Variants in DUSP12 observed in about 807,000 individuals in gnomAD.
DUSP12 encodes dual specificity phosphatase 12.
Under a neutral mutation model 38.9 loss-of-function variants are expected in DUSP12, and 25 were observed. That is an observed-to-expected ratio of 0.64 (90% CI 0.47 to 0.90). The LOEUF is 0.90. Among genes scored for constraint, DUSP12 ranks in the 40% least tolerant of loss-of-function variants. DUSP12 has a pLI of 0.00. For missense variants in DUSP12, 403 were observed against 427.0 expected (o/e 0.94, Z 0.50); for synonymous variants, 153 against 153.9 (o/e 0.99, Z 0.05).
chr1:161,751,738 G>C lies in DUSP12; in HGVS notation c.415G>C (p.Glu139Gln), dbSNP rs757490518. 3.7e-6 allele frequency: 6 copies of C among 1,613,466 alleles called. No homozygotes were observed. Among genetic ancestry groups the C allele is most frequent in the Non-Finnish European group, 5.1e-6 (6 of 1,179,834 alleles). Residue 139 changes from glutamate to glutamine, a missense_variant, in exon 2 of 6, where the codon GAA (glutamate) becomes CAA (glutamine). Coordinates refer to ENST00000367943, the MANE Select transcript of DUSP12 (RefSeq NM_007240.3). ...FLMKTDQLPF[E>Q]KAYEKLQILK... ...CATGAAGACTGACCAACTTCCCTTT[G>C]AAAAAGCCTATGAAAAGCTCCAGAT...
intron 5 of DUSP12, 132 bp downstream of exon 5, chr1:161,753,393 T>A (rs897836577): frequency 1.7e-5 from 13 of 782,488 alleles, no homozygotes; most frequent in Admixed American, 3.7e-5. Context: ...ATTATATCTT[T>A]CTAGTGTAGA....
chr1:161,750,025 T>C lies in DUSP12; in HGVS notation c.224T>C (p.Leu75Pro), dbSNP rs528195907. The C allele has an allele frequency of 8.7e-6, 14 of 1,614,028 alleles. No homozygotes were observed. The South Asian group carries it at 1.4e-4, about 16-fold the overall frequency. The change falls in exon 1 of 6, where the codon CTA becomes CCA. Residue 75 changes from leucine (L) to proline (P), a missense_variant. Coordinates refer to ENST00000367943, the MANE Select transcript of DUSP12 (RefSeq NM_007240.3). ...AAGGCGGGGCCTGGGGTCGAGGATC[T>C]ATGGCGCCTCTTCGTGCCAGCGCTG... Reference protein sequence around the residue: ...SFKAGPGVEDLWRLFVPALDK... With the variant: ...SFKAGPGVEDPWRLFVPALDK...
Position 161,751,742 on chromosome 1 carries a change from A to C in DUSP12, c.419A>C (p.Lys140Thr). Residue 140 changes from lysine to threonine, a missense_variant, in exon 2 of 6, where the codon AAA becomes ACA. Lys to Thr is a moderately conservative substitution (Grantham distance 78). Coordinates refer to ENST00000367943, the MANE Select transcript of DUSP12 (RefSeq NM_007240.3). ...LMKTDQLPFE[K>T]AYEKLQILKP... ...AAGACTGACCAACTTCCCTTTGAAA[A>C]AGCCTATGAAAAGCTCCAGATTCTC... The C allele has an allele frequency of 2.5e-6, 4 of 1,613,616 alleles. No individual in the cohort carries two copies. Among genetic ancestry groups the C allele is most frequent in the Non-Finnish European group, 3.4e-6 (4 of 1,179,852 alleles).
chr1:161,752,588 G>A, intron 4 of DUSP12, 124 bp downstream of exon 4: 1 of 640,458 alleles, frequency 1.6e-6, no homozygotes, highest in South Asian at 2.3e-5. Flanking sequence ...GTTCAGATCT[G>A]TTTTCAGAAA....
chr1:161,751,487 A>C, intron 1 of DUSP12, 181 bp from the exon 2 acceptor site: 1 of 727,938 alleles, frequency 1.4e-6, no homozygotes. Context: ...GTGGTTCAGA[A>C]TTCAAAAGGA....
intron 1 of DUSP12, 33 bp downstream of exon 1, chr1:161,750,178 G>A (rs778167911): frequency 6.3e-7 from 1 of 1,581,040 alleles, no homozygotes; most frequent in South Asian, 1.1e-5. Context: ...GACGTGCCCC[G>A]CCAAGCTTCC....
In DUSP12 at chr1:161,749,790, C is replaced by T; in HGVS notation, c.-12C>T. The T allele has an allele frequency of 1.3e-6, 2 of 1,559,020 alleles. No individual in the cohort carries two copies. The highest frequency in any genetic ancestry group is 1.7e-6 in the Non-Finnish European group (2 of 1,153,828). On this transcript the variant is annotated 5_prime_UTR_variant, in exon 1 of 6. Coordinates refer to ENST00000367943, the MANE Select transcript of DUSP12 (RefSeq NM_007240.3). The stretch of plus-strand genomic sequence containing the variant: ...GGTAGGGCAGGAAGCCGCCTTGTCT[C>T]TGGGCGCGGCCATGTTGGAGGCTCC...
intron 5 of DUSP12, among the ~76,000 whole-genome samples, chr1:161,756,064 C>T (rs1015999282): frequency 3.3e-5 from 5 of 152,140 alleles, no homozygotes; most frequent in Non-Finnish European, 7.4e-5. Flanking sequence ...CCATGTTGAC[C>T]AGGCTGGTCT....
Position 161,756,990 on chromosome 1 carries a change from G to A in DUSP12, c.*43G>A. ...TTGGGAAGAAACTTGCAGATGATATGTGCTGCCTTTGCTTCTTATCATTCA... is the reference window on the plus strand; with the variant it reads ...TTGGGAAGAAACTTGCAGATGATATATGCTGCCTTTGCTTCTTATCATTCA... On this transcript the variant is annotated 3_prime_UTR_variant, in exon 6 of 6. Transcript: ENST00000367943. The A allele has an allele frequency of 6.4e-7, 1 of 1,564,440 alleles. No individual in the cohort carries two copies. Among genetic ancestry groups the A allele is most frequent in the East Asian group, 2.3e-5 (1 of 44,310 alleles).
chr1:161,750,215 C>A, intron 1 of DUSP12, 70 bp downstream of exon 1: 1 of 1,521,580 alleles, frequency 6.6e-7, no homozygotes, highest in Non-Finnish European at 8.9e-7. Flanking sequence ...CCCTTACCTT[C>A]CGAGGCCGTC....
At position 161,756,951 on chromosome 1, in the gene DUSP12, TGA is replaced by T. The variant is rs766486927; in HGVS notation, c.*5_*6del. 3.1e-6 allele frequency: 5 copies of T among 1,610,308 alleles called. No homozygotes were observed. In the South Asian group the frequency reaches 5.5e-5, roughly 18 times the overall value. On this transcript the variant is annotated 3_prime_UTR_variant, in exon 6 of 6. Transcript: ENST00000367943. ...ATCACAAACAGGAAAAATATGAACA[TGA>T]TATTTTATAGCTTGGGAAGAAACTT...
chr1:161,756,649 A>AT, intron 5 of DUSP12, 137 bp from the exon 6 acceptor site: 2 of 934,946 alleles, frequency 2.1e-6, no homozygotes, highest in South Asian at 4.0e-5. Flanking sequence ...TTTCCAATGC[A>AT]TTTTATCTCA....
At chr1:161,751,490 CAAAAGGA>C in intron 1 of DUSP12, 171 bp from the exon 2 acceptor site, 1 of 751,838 alleles carries the variant, frequency 1.3e-6, no homozygotes, top group South Asian at 2.7e-5. Flanking sequence ...GTTCAGAATT[CAAAAGGA>C]AAAAGGAATA....
At chr1:161,755,982 G>A (rs4656332) in intron 5 of DUSP12, among the ~76,000 whole-genome samples, 58,135 of 151,850 alleles carry the variant, frequency 0.38, 11,194 homozygotes, top group East Asian at 0.48. Context: ...CAGCCTCCCA[G>A]GTAGCTGTGA....
In DUSP12 at chr1:161,751,935, T is replaced by A. The variant is rs777311601; in HGVS notation, c.528T>A (p.Ser176Arg). The change falls in exon 3 of 6, where the codon AGT (serine) becomes AGA (arginine). Residue 176 changes from serine to arginine, a missense_variant. Ser to Arg is a moderately radical substitution (Grantham distance 110). Coordinates refer to ENST00000367943, the MANE Select transcript of DUSP12 (RefSeq NM_007240.3). ...QAMGYEVDTS[S>R]AIYKQYRLQK... ...TGGGATACGAAGTGGATACCTCTAG[T>A]GCAATTTATAAGCAATATCGTTTAC... is the stretch of plus-strand genomic sequence containing the variant. 1.9e-6 allele frequency: 3 copies of A among 1,613,102 alleles called. No homozygotes were observed. In the Admixed American group the frequency reaches 5.0e-5, roughly 27 times the overall value.
intron 5 of DUSP12, 132 bp from the exon 6 acceptor site, chr1:161,756,654 A>G (rs1684115156): frequency 1.0e-6 from 1 of 966,554 alleles, no homozygotes; most frequent in Non-Finnish European, 1.5e-6. Flanking sequence ...AATGCATTTT[A>G]TCTCACTGAT....
chr1:161,750,250 C>A, intron 1 of DUSP12, 105 bp downstream of exon 1: 1 of 1,250,502 alleles, frequency 8.0e-7, no homozygotes. Flanking sequence ...GCGGTCATGC[C>A]GCGTGAACCT....
intron 5 of DUSP12, among the ~76,000 whole-genome samples, chr1:161,754,994 C>A (rs1684088144): frequency 6.6e-6 from 1 of 152,120 alleles, no homozygotes; most frequent in Admixed American, 6.5e-5. Context: ...CCACGCCTGG[C>A]TAATTTTGTA....
intron 1 of DUSP12, among the ~76,000 whole-genome samples, chr1:161,750,644 A>G (rs1050381406): frequency 2.0e-5 from 3 of 152,208 alleles, no homozygotes; most frequent in East Asian, 1.9e-4. Flanking sequence ...AGCAAAGACA[A>G]AAAGAAAATG....
Sources: allele counts gnomAD v4.1 joint callset (sites outside exome capture counted in the v4.1 genomes callset), GRCh38; gene constraint gnomAD v4.1.1; transcripts MANE v1.5; gene names NCBI Gene and HGNC (gene_info 2026-07-23, HGNC 2026-07-21).